The following WDR17 variants were observed in gnomAD, a reference collection of about 807,000 sequenced individuals.
WDR17 encodes WD repeat-containing protein 17.
A neutral mutation model predicts 161.7 loss-of-function variants in WDR17; 143 were observed. That is an observed-to-expected ratio of 0.88 (90% confidence interval 0.77 to 1.02). The LOEUF is 1.02. Among genes scored for constraint, WDR17 ranks in the 50% least tolerant of loss-of-function variants. The pLI, the probability that WDR17 is intolerant of heterozygous loss-of-function variation, is 0.00. For synonymous variants in WDR17, 517 were observed against 515.6 expected (o/e 1.00, Z -0.04); for missense variants, 1,469 against 1,520.9 (o/e 0.97, Z 0.57).
chr4:176,130,560 C>T (rs549039821), intron 6 of WDR17, among the ~76,000 whole-genome samples: 244 of 151,534 alleles, frequency 1.6e-3, no homozygotes, highest in African/African-American at 4.7e-3. Flanking sequence ...CTGGCTAACA[C>T]AGTGAAACCC....
At chr4:176,148,782 T>C (rs1371875476) in intron 13 of WDR17, among the ~76,000 whole-genome samples, 1 of 152,232 alleles carries the variant, frequency 6.6e-6, no homozygotes, top group Non-Finnish European at 1.5e-5. Flanking sequence ...GTACAATGTT[T>C]TGTTTTTTAA....
chr4:176,128,052 C>G (rs2126745269), intron 5 of WDR17, among the ~76,000 whole-genome samples: 1 of 152,256 alleles, frequency 6.6e-6, no homozygotes, highest in East Asian at 1.9e-4. Flanking sequence ...ATCCATTCCT[C>G]TGTTGATAGA....
chr4:176,148,226 G>C lies in WDR17; in HGVS notation c.1788G>C (p.Glu596Asp), dbSNP rs1475075737. 6.2e-7 allele frequency: 1 copy of C among 1,613,680 alleles called. No individual in the cohort carries two copies. The highest frequency in any genetic ancestry group is 2.2e-5 in the East Asian group (1 of 44,836). Residue 596 changes from glutamate to aspartate, a missense_variant, in exon 13 of 29, where the codon GAG (glutamate) becomes GAC (aspartate). By Grantham distance (45) the Glu-to-Asp change is conservative. Coordinates refer to ENST00000508596, the MANE Select transcript of WDR17 (RefSeq NM_181265.4). ...TGAGAGGATTAATGTGGAATACTGA[G>C]ATTCCATATCTGCTCATATCTGGCA... Reference protein sequence around the residue: ...APVRGLMWNTEIPYLLISGSW... With the variant: ...APVRGLMWNTDIPYLLISGSW...
At chr4:176,111,747 A>G (rs906584869) in intron 2 of WDR17, 44 bp downstream of exon 2, 2 of 1,470,080 alleles carry the variant, frequency 1.4e-6, no homozygotes, top group African/African-American at 2.9e-5. Flanking sequence ...ATCCGGTAAA[A>G]TTAATATTTA....
At chr4:176,109,822 G>A (rs1204039451) in intron 1 of WDR17, among the ~76,000 whole-genome samples, 1 of 152,086 alleles carries the variant, frequency 6.6e-6, no homozygotes, top group African/African-American at 2.4e-5. Context: ...TATGTGTGTA[G>A]GTTTTGTATG....
Position 176,148,255 on chromosome 4 carries a change from G to A in WDR17, c.1817G>A (p.Trp606Ter). ...CCATATCTGCTCATATCTGGCAGCT[G>A]GGACTATACTATAAAAGTATGGGAC... ...EIPYLLISGS[W>*]DYTIKVWDTR... is the part of the protein sequence containing the mutation. Residue 606 changes from tryptophan to a stop codon, truncating the protein, a stop_gained, in exon 13 of 29, where the codon TGG becomes TAG. Transcript: ENST00000508596. LOFTEE classifies it high-confidence loss of function. The A allele has an allele frequency of 6.2e-7, 1 of 1,613,954 alleles. No individual in the cohort carries two copies.
At chr4:176,166,074 G>A in intron 22 of WDR17, 1 of 998,580 alleles carries the variant, frequency 1.0e-6, no homozygotes, top group Admixed American at 3.0e-5. Flanking sequence ...CTGTTTCTTT[G>A]TGGTATTCAT....
intron 22 of WDR17, among the ~76,000 whole-genome samples, chr4:176,165,959 TTAG>T (rs1413270188): frequency 6.6e-6 from 1 of 152,184 alleles, no homozygotes; most frequent in Non-Finnish European, 1.5e-5. Flanking sequence ...CTCCTGGCTA[TTAG>T]TAGAGCTGCA....
chr4:176,080,790 CTT>C (rs750160574), intron 1 of WDR17, among the ~76,000 whole-genome samples: 2 of 152,118 alleles, frequency 1.3e-5, no homozygotes, highest in East Asian at 3.9e-4. Context: ...TATTGTATCT[CTT>C]TGCTTGGTTG....
At position 176,123,118 on chromosome 4, in the gene WDR17, AATC is replaced by A. The variant is rs1262337626; in HGVS notation, c.539-1983_539-1981del. Among the ~76,000 whole-genome samples, 13 of 152,268 alleles carry A rather than the reference AATC, an allele frequency of 8.5e-5. 1 individual carries two copies. Among genetic ancestry groups the A allele is most frequent in the Admixed American group, 6.5e-4 (10 of 15,296 alleles). Reference sequence around the variant, plus strand: ...GAACCTTTTTAAAAATCTTTATTACAATCATGTTTAAATTGAATTGATTTTGGT... The same window carrying A: ...GAACCTTTTTAAAAATCTTTATTACAATGTTTAAATTGAATTGATTTTGGT... On this transcript the variant is annotated intron_variant, in intron 4 of 28. Coordinates refer to ENST00000508596, the MANE Select transcript of WDR17 (RefSeq NM_181265.4).
intron 17 of WDR17, among the ~76,000 whole-genome samples, chr4:176,155,647 C>T (rs1413561513): frequency 8.3e-5 from 12 of 144,810 alleles, no homozygotes; most frequent in East Asian, 6.1e-4. Flanking sequence ...TGGGCTCAAA[C>T]GATCCTGTCC....
At position 176,169,121 on chromosome 4, in the gene WDR17, C is replaced by A. The variant is rs552991304; in HGVS notation, c.3102+338C>A. Among the ~76,000 whole-genome samples, 33 of 152,246 alleles carry A rather than the reference C, an allele frequency of 2.2e-4. 1 individual carries two copies. In the South Asian group the frequency reaches 6.4e-3, roughly 30 times the overall value. On this transcript the variant is annotated intron_variant, in intron 23 of 28. Transcript: ENST00000508596. ...ATTTCAACTTCAGCAAGTCTAACTC[C>A]AAATCCCAAGTGTTTTCCACTGTAC...
chr4:176,087,790 T>G (rs2126615678), intron 1 of WDR17, among the ~76,000 whole-genome samples: 1 of 152,256 alleles, frequency 6.6e-6, no homozygotes, highest in African/African-American at 2.4e-5. Context: ...AGATATAAAT[T>G]TCAGCCATTG....
intron 1 of WDR17, among the ~76,000 whole-genome samples, chr4:176,108,407 G>GGAATTGGGGAGGGGGAGGGAT: frequency 6.6e-6 from 1 of 152,246 alleles, no homozygotes; most frequent in Non-Finnish European, 1.5e-5. Flanking sequence ...GTTGTTGCCA[G>GGAATTGGGGAGGGGGAGGGAT]GAATTGGGGA....
chr4:176,172,424 G>A lies in WDR17; in HGVS notation c.3152G>A (p.Arg1051His), dbSNP rs776147100. The A allele has an allele frequency of 8.7e-6, 14 of 1,611,434 alleles. No individual in the cohort carries two copies. The highest frequency in any genetic ancestry group is 1.1e-5 in the South Asian group (1 of 90,250). Reference protein sequence around the residue: ...EECMQLAETARADDNIFETVK... With the variant: ...EECMQLAETAHADDNIFETVK... ...TGTATGCAGTTAGCTGAGACAGCCCGTGCAGATGACAATATATTTGAAACT... is the reference window on the plus strand; with the variant it reads ...TGTATGCAGTTAGCTGAGACAGCCCATGCAGATGACAATATATTTGAAACT... The change falls in exon 24 of 29, where the codon CGT becomes CAT. Residue 1051 changes from arginine to histidine, a missense_variant. Physicochemically the swap from Arg to His is conservative, Grantham distance 29. Coordinates refer to ENST00000508596, the MANE Select transcript of WDR17 (RefSeq NM_181265.4).
Position 176,135,370 on chromosome 4 carries a change from T to G in WDR17, c.1267+94T>G, listed in dbSNP as rs544480605. On this transcript the variant is annotated intron_variant, in intron 8 of 28. Coordinates refer to ENST00000508596, the MANE Select transcript of WDR17 (RefSeq NM_181265.4). ...TTACTTTCTTCCTCTTGATCTCATC[T>G]TGTTCTAAATGAATGTAGAGCAAAT... The G allele has an allele frequency of 1.5e-4, 209 of 1,396,762 alleles. 3 individuals carry two copies. The South Asian group carries it at 2.4e-3, about 16-fold the overall frequency. 86.5% of individuals were successfully genotyped at this position (1,396,762 alleles called of 1,614,324 possible).
Position 176,131,441 on chromosome 4 carries a change from A to G in WDR17, c.914-113A>G, listed in dbSNP as rs112001577. On this transcript the variant is annotated intron_variant, in intron 6 of 28. Coordinates refer to ENST00000508596, the MANE Select transcript of WDR17 (RefSeq NM_181265.4). ...TGCTTATGTGGGAGAATATATGATC[A>G]TTGCCTAAATGGTTTACTGGTACAG... 4.0e-4 allele frequency: 422 copies of G among 1,048,404 alleles called. 1 individual carries two copies. The African/African-American group carries it at 5.8e-3, about 14-fold the overall frequency. 64.9% of individuals were successfully genotyped at this position (1,048,404 alleles called of 1,614,324 possible).
intron 3 of WDR17, 83 bp downstream of exon 3, chr4:176,116,062 T>C: frequency 7.4e-7 from 1 of 1,350,520 alleles, no homozygotes; most frequent in Non-Finnish European, 1.0e-6. Context: ...GTTCAGCTTT[T>C]AAAATGTTGT....
chr4:176,152,838 G>A (rs774787356), intron 17 of WDR17, among the ~76,000 whole-genome samples: 4 of 151,840 alleles, frequency 2.6e-5, no homozygotes, highest in Non-Finnish European at 5.9e-5. Flanking sequence ...GGGAGGCTGA[G>A]GCAGGAGAAC....
Sources: gnomAD v4.1 joint callset for allele counts (sites outside exome capture counted in the v4.1 genomes callset) on GRCh38, gnomAD v4.1.1 for gene constraint, MANE v1.5 for transcripts, NCBI Gene and HGNC (gene_info 2026-07-23, HGNC 2026-07-21) for gene names.